Variants in GPC5 observed in about 807,000 individuals in gnomAD.
GPC5 encodes glypican-5.
GPC5 carries 47 observed loss-of-function variants against 53.9 expected under a neutral mutation model. That is an observed-to-expected ratio of 0.87 (90% CI 0.69 to 1.11). GPC5 has a LOEUF of 1.11. Ranked by LOEUF, GPC5 falls within the 50% of genes most tolerant of loss-of-function variation. The pLI is 0.00. For missense variants in GPC5, 748 were observed against 713.1 expected, an observed-to-expected ratio of 1.05 and a Z score of -0.56; for synonymous variants, 286 against 263.3, an observed-to-expected ratio of 1.09 and a Z score of -0.84.
chr13:91,922,878 A>G (rs965007453), intron 6 of GPC5, among the ~76,000 whole-genome samples: 1 of 5,474 alleles, frequency 1.8e-4, no homozygotes, highest in South Asian at 0.014. Context: ...TGAATTTGGC[A>G]GATCTTACTC....
chr13:92,440,193 C>T (rs554683803), intron 7 of GPC5, among the ~76,000 whole-genome samples: 1 of 152,072 alleles, frequency 6.6e-6, no homozygotes, highest in Middle Eastern at 3.2e-3. Context: ...ATGAATTAAC[C>T]CATTCCCCAT....
Position 91,818,171 on chromosome 13 carries a change from G to T in GPC5, c.1280+61751G>T, listed in dbSNP as rs367884141. Among the ~76,000 whole-genome samples, 3 of 152,276 alleles carry T rather than the reference G, an allele frequency of 2.0e-5. No homozygotes were observed. In the East Asian group the frequency reaches 5.8e-4, roughly 29 times the overall value. Reference sequence around the variant, plus strand: ...ATGTATAAGTTGTTTATTCTAAGTTGCAGTTGGTACGAAAATATTTGAAAA... The same window carrying T: ...ATGTATAAGTTGTTTATTCTAAGTTTCAGTTGGTACGAAAATATTTGAAAA... On this transcript the variant is annotated intron_variant, in intron 5 of 7. Coordinates refer to ENST00000377067, the MANE Select transcript of GPC5 (RefSeq NM_004466.6).
intron 7 of GPC5, among the ~76,000 whole-genome samples, chr13:92,218,865 A>G (rs932240574): frequency 2.6e-5 from 4 of 152,210 alleles, no homozygotes; most frequent in African/African-American, 9.6e-5. Context: ...CCTCTCAGGA[A>G]CACTAAAGCA....
At chr13:91,769,618 G>A (rs1248089817) in intron 5 of GPC5, among the ~76,000 whole-genome samples, 5 of 152,160 alleles carry the variant, frequency 3.3e-5, no homozygotes, top group Admixed American at 3.3e-4. Context: ...ATCAGCGTGT[G>A]TGGCTCAGGG....
At chr13:91,978,937 G>T (rs1323506930) in intron 6 of GPC5, among the ~76,000 whole-genome samples, 1 of 152,092 alleles carries the variant, frequency 6.6e-6, no homozygotes, top group Non-Finnish European at 1.5e-5. Flanking sequence ...TGACAGAACA[G>T]GTTGATAAGA....
At chr13:92,176,748 C>A (rs1013438800) in intron 7 of GPC5, among the ~76,000 whole-genome samples, 21 of 152,128 alleles carry the variant, frequency 1.4e-4, no homozygotes, top group African/African-American at 5.1e-4. Context: ...CCTCAACGGC[C>A]ACATCCAAGC....
intron 7 of GPC5, among the ~76,000 whole-genome samples, chr13:92,153,054 T>A (rs2041918721): frequency 6.6e-6 from 1 of 152,242 alleles, no homozygotes; most frequent in African/African-American, 2.4e-5. Context: ...CTCTCTTGTC[T>A]TGTTACTCCT....
rs370605524 is a variant in GPC5, at chr13:91,591,628, AT to A, written c.326-101553del. Among the ~76,000 whole-genome samples, 283 of 152,186 alleles carry A rather than the reference AT, an allele frequency of 1.9e-3. 3 individuals are homozygous for A. Among genetic ancestry groups the A allele is most frequent in the African/African-American group, 6.5e-3 (271 of 41,548 alleles). On this transcript the variant is annotated intron_variant, in intron 2 of 7. Transcript: ENST00000377067. ...CCCATGTGTCTTGGAAGTTTTGTTC[AT>A]TTTTTAAAATTCCTTTTTTCTGTAT...
At chr13:91,438,956 G>T (rs942772511) in intron 1 of GPC5, among the ~76,000 whole-genome samples, 1 of 152,234 alleles carries the variant, frequency 6.6e-6, no homozygotes, top group Non-Finnish European at 1.5e-5. Context: ...AGGACCCTCC[G>T]AGCCAGGTGC....
At chr13:92,696,154 A>G (rs780860713) in intron 7 of GPC5, among the ~76,000 whole-genome samples, 1 of 152,182 alleles carries the variant, frequency 6.6e-6, no homozygotes, top group Non-Finnish European at 1.5e-5. Context: ...GCCACAATTA[A>G]CATACGTGTG....
chr13:92,510,714 A>G (rs1220990354), intron 7 of GPC5, among the ~76,000 whole-genome samples: 1 of 152,170 alleles, frequency 6.6e-6, no homozygotes, highest in Non-Finnish European at 1.5e-5. Flanking sequence ...TGGCTCCTAG[A>G]TCTCAGCTGT....
At chr13:91,855,949 A>G (rs947727773) in intron 5 of GPC5, among the ~76,000 whole-genome samples, 2 of 151,558 alleles carry the variant, frequency 1.3e-5, no homozygotes, top group African/African-American at 4.8e-5. Context: ...ACCCCCTAGA[A>G]AGTTCCCTTT....
intron 7 of GPC5, among the ~76,000 whole-genome samples, chr13:92,764,123 G>A (rs1170882431): frequency 6.6e-6 from 1 of 152,188 alleles, no homozygotes; most frequent in Non-Finnish European, 1.5e-5. Flanking sequence ...CAAGGCATCG[G>A]TTTTCTAGAA....
At chr13:91,452,777 A>G in intron 2 of GPC5, among the ~76,000 whole-genome samples, 1 of 152,044 alleles carries the variant, frequency 6.6e-6, no homozygotes, top group East Asian at 1.9e-4. Flanking sequence ...TTAATTTGTA[A>G]CTATGCAAAA....
intron 2 of GPC5, among the ~76,000 whole-genome samples, chr13:91,663,342 C>T (rs1485042556): frequency 2.0e-5 from 3 of 152,162 alleles, no homozygotes; most frequent in Admixed American, 2.0e-4. Flanking sequence ...GTGTACATAC[C>T]AATATATGCT....
intron 6 of GPC5, among the ~76,000 whole-genome samples, chr13:91,955,447 G>A (rs1417611694): frequency 2.6e-5 from 4 of 152,130 alleles, no homozygotes; most frequent in East Asian, 1.9e-4. Context: ...TTGAATAGAC[G>A]ATGTAAGAGA....
intron 5 of GPC5, among the ~76,000 whole-genome samples, chr13:91,842,007 T>G (rs1268995184): frequency 1.3e-5 from 2 of 152,212 alleles, no homozygotes; most frequent in African/African-American, 4.8e-5. Context: ...ATTCTACCTT[T>G]TCCCCATATC....
At chr13:91,672,792 T>C (rs758076584) in intron 2 of GPC5, among the ~76,000 whole-genome samples, 8 of 152,228 alleles carry the variant, frequency 5.3e-5, no homozygotes, top group Non-Finnish European at 4.4e-5. Context: ...CGTATGTTTA[T>C]TGCAGCACTA....
chr13:91,759,277 A>G (rs1348318817), intron 5 of GPC5, among the ~76,000 whole-genome samples: 1 of 152,044 alleles, frequency 6.6e-6, no homozygotes, highest in Non-Finnish European at 1.5e-5. Context: ...TATATGGGGT[A>G]CATGTGATAT....
Sources: allele counts gnomAD v4.1 joint callset (sites outside exome capture counted in the v4.1 genomes callset), GRCh38; gene constraint gnomAD v4.1.1; transcripts MANE v1.5; gene names NCBI Gene and HGNC (gene_info 2026-07-23, HGNC 2026-07-21).